MICU1: variants seen among roughly 807,000 people sequenced by gnomAD.
The protein encoded by MICU1 is calcium uptake protein 1, mitochondrial.
A neutral mutation model predicts 56.8 loss-of-function variants in MICU1; 45 were observed. The observed-to-expected ratio is 0.79, with a 90% CI of 0.62 to 1.02. The LOEUF (loss-of-function observed/expected upper bound fraction) is 1.02, where lower values mean the gene tolerates loss of function less well. MICU1 is among the 50% of genes least tolerant of loss of function. MICU1 has a pLI of 0.00. For missense variants in MICU1, 504 were observed against 587.1 expected, an observed-to-expected ratio of 0.86 and a Z score of 1.46; for synonymous variants, 186 against 195.1, an observed-to-expected ratio of 0.95 and a Z score of 0.39.
chr10:72,542,086 A>G (rs947543921), intron 4 of MICU1, among the ~76,000 whole-genome samples: 1 of 152,196 alleles, frequency 6.6e-6, no homozygotes, highest in African/African-American at 2.4e-5. Context: ...AAGACAATGA[A>G]TATACATGAT....
intron 1 of MICU1, among the ~76,000 whole-genome samples, chr10:72,618,291 G>A (rs1372483219): frequency 6.6e-6 from 1 of 151,836 alleles, no homozygotes; most frequent in South Asian, 2.1e-4. Context: ...TTGAAATGAG[G>A]TCTCACTATG....
intron 9 of MICU1, among the ~76,000 whole-genome samples, chr10:72,418,419 T>C (rs1478731155): frequency 6.6e-6 from 1 of 152,106 alleles, no homozygotes; most frequent in East Asian, 1.9e-4. Context: ...AAGAGTATGA[T>C]TAGGAGAAAC....
At chr10:72,582,352 G>A (rs527756519) in intron 1 of MICU1, among the ~76,000 whole-genome samples, 2 of 152,248 alleles carry the variant, frequency 1.3e-5, no homozygotes, top group South Asian at 4.2e-4. Context: ...AGTATTTTGC[G>A]AGGACACAGC....
rs143210532 is a variant in MICU1 at position 72,612,846 on chromosome 10, C to T, written c.-2+13164G>A. On this transcript the variant is annotated intron_variant, in intron 1 of 11. Transcript: ENST00000361114. ...ATGCATAGGAAGAATGCATACTCCA[C>T]TGGTAAAGACAACACAAAATTCACT... Among the ~76,000 whole-genome samples the T allele has an allele frequency of 1.7e-3, 257 of 150,612 alleles. 2 individuals carry two copies. Among genetic ancestry groups the T allele is most frequent in the African/African-American group, 5.7e-3 (233 of 41,156 alleles).
rs562435903 is a variant in MICU1 at position 72,537,968 on chromosome 10, C to A, written c.494-4179G>T. ...ATAATTAACATTACAAGGGAGCATACAATTAGTTCAATAAAAGGGTGCTGT... is the reference window on the plus strand; with the variant it reads ...ATAATTAACATTACAAGGGAGCATAAAATTAGTTCAATAAAAGGGTGCTGT... On this transcript the variant is annotated intron_variant, in intron 4 of 11. Coordinates refer to ENST00000361114, the MANE Select transcript of MICU1 (RefSeq NM_001195518.2). 1.2e-3 allele frequency among the ~76,000 whole-genome samples: 189 copies of A among 152,206 alleles called. 1 individual carries two copies. The highest frequency in any genetic ancestry group is 4.0e-3 in the African/African-American group (168 of 41,544).
chr10:72,514,988 C>T (rs1867601350), intron 5 of MICU1, among the ~76,000 whole-genome samples: 1 of 152,200 alleles, frequency 6.6e-6, no homozygotes, highest in Admixed American at 6.5e-5. Context: ...AATGCTGCCC[C>T]AGTCCCCTAA....
At chr10:72,374,808 CTTTTTTTTTTTT>C (rs34228174) in intron 11 of MICU1, among the ~76,000 whole-genome samples, 1 of 77,206 alleles carries the variant, frequency 1.3e-5, no homozygotes, top group Non-Finnish European at 2.4e-5. Context: ...CTACTATTAT[CTTTTTTTTTTTT>C]TTTTTTTTTT....
intron 6 of MICU1, among the ~76,000 whole-genome samples, chr10:72,496,076 C>G (rs1030747244): frequency 6.6e-6 from 1 of 152,044 alleles, no homozygotes; most frequent in African/African-American, 2.4e-5. Context: ...AAGCGATCCT[C>G]CCACCTCAGC....
chr10:72,425,399 TTC>T (rs1191557742), intron 8 of MICU1, among the ~76,000 whole-genome samples: 2 of 152,252 alleles, frequency 1.3e-5, no homozygotes, highest in African/African-American at 4.8e-5. Flanking sequence ...AAGGCCTTTA[TTC>T]TCTGTTCTTC....
chr10:72,471,698 T>G (rs1865957335), intron 8 of MICU1, among the ~76,000 whole-genome samples: 1 of 152,174 alleles, frequency 6.6e-6, no homozygotes. Context: ...ATTACATAAT[T>G]AATAAGGTAA....
chr10:72,399,403 T>C (rs1863374460), intron 10 of MICU1, among the ~76,000 whole-genome samples: 1 of 152,142 alleles, frequency 6.6e-6, no homozygotes, highest in Non-Finnish European at 1.5e-5. Context: ...ATGGCACATA[T>C]ATACCTATGT....
Position 72,415,013 on chromosome 10 carries a change from GTT to G in MICU1, c.1072-6978_1072-6977del, listed in dbSNP as rs71018285. Among the ~76,000 whole-genome samples the G allele has an allele frequency of 7.2e-3, 820 of 114,170 alleles. 3 individuals are homozygous for G. Among genetic ancestry groups the G allele is most frequent in the East Asian group, 0.032 (139 of 4,390 alleles). The allele number at this position is 114,170 out of a possible 152,430, so 74.9% of individuals were successfully genotyped here. On this transcript the variant is annotated intron_variant, in intron 9 of 11. Transcript: ENST00000361114. Reference sequence around the variant, plus strand: ...TATCCTCTGCTCAATCTCCTGCTTAGTTTTTTTTTTTTTTTTTTTTGAGACAG... The same window carrying G: ...TATCCTCTGCTCAATCTCCTGCTTAGTTTTTTTTTTTTTTTTTTGAGACAG...
intron 8 of MICU1, among the ~76,000 whole-genome samples, chr10:72,457,764 C>A (rs1398715300): frequency 6.6e-6 from 1 of 151,828 alleles, no homozygotes. Context: ...TCACCACCAC[C>A]ACAACAAAAA....
At chr10:72,379,448 T>C in intron 10 of MICU1, 1 of 292,700 alleles carries the variant, frequency 3.4e-6, no homozygotes, top group Non-Finnish European at 7.0e-6. Context: ...TTCCTTTTTC[T>C]GCATTTCACA....
chr10:72,447,860 A>G (rs1278847807), intron 8 of MICU1, among the ~76,000 whole-genome samples: 1 of 152,078 alleles, frequency 6.6e-6, no homozygotes, highest in Non-Finnish European at 1.5e-5. Flanking sequence ...GGATGAACTG[A>G]GCTAAATTAT....
chr10:72,460,647 C>A (rs1039552505), intron 8 of MICU1, among the ~76,000 whole-genome samples: 2 of 152,152 alleles, frequency 1.3e-5, no homozygotes, highest in African/African-American at 4.8e-5. Flanking sequence ...CAAAAGGCTG[C>A]ATATGATACA....
chr10:72,430,515 GCACTC>G (rs1864491493), intron 8 of MICU1, among the ~76,000 whole-genome samples: 1 of 152,074 alleles, frequency 6.6e-6, no homozygotes, highest in Non-Finnish European at 1.5e-5. Flanking sequence ...GGAAGCATCG[GCACTC>G]CATTTGAAGC....
At chr10:72,556,464 C>T (rs1024477971) in intron 3 of MICU1, among the ~76,000 whole-genome samples, 2 of 152,008 alleles carry the variant, frequency 1.3e-5, no homozygotes, top group African/African-American at 2.4e-5. Context: ...CCTCAGCCAC[C>T]CAAGTAGCTA....
At position 72,563,062 on chromosome 10, in the gene MICU1, C is replaced by T. The variant is rs763462546; in HGVS notation, c.163G>A (p.Ala55Thr). 2.0e-6 allele frequency: 3 copies of T among 1,532,212 alleles called. No individual in the cohort carries two copies. The highest frequency in any genetic ancestry group is 2.2e-5 in the Admixed American group (1 of 44,700). The allele number at this position is 1,532,212 out of a possible 1,614,324, so 94.9% of individuals were successfully genotyped here. Reference sequence around the variant, plus strand: ...ACACATGGTGGAGATTCTGCATGGGCCCTGGATATGCAAAAAAGAAATCTA... The same window carrying T: ...ACACATGGTGGAGATTCTGCATGGGTCCTGGATATGCAAAAAAGAAATCTA... ...TASTGLLWKR[A>T]HAESPPCVDN... Residue 55 changes from alanine (A) to threonine (T), a missense_variant and splice_region_variant, in exon 3 of 12, where the codon GCC (alanine) becomes ACC (threonine). By Grantham distance (58) the Ala-to-Thr change is moderately conservative. Transcript: ENST00000361114.
Sources: gnomAD v4.1 joint callset for allele counts (sites outside exome capture counted in the v4.1 genomes callset) on GRCh38, gnomAD v4.1.1 for gene constraint, MANE v1.5 for transcripts, NCBI Gene and HGNC (gene_info 2026-07-23, HGNC 2026-07-21) for gene names.